Variants in NEK1 observed in about 807,000 individuals in gnomAD.
The protein encoded by NEK1 is serine/threonine-protein kinase Nek1.
Under a neutral mutation model 182.1 loss-of-function variants are expected in NEK1, and 137 were observed. That is an observed-to-expected ratio of 0.75 (90% confidence interval 0.65 to 0.87). NEK1 has a LOEUF of 0.87. Ranked by LOEUF, NEK1 falls within the 40% of genes least tolerant of loss-of-function variation. The pLI is 0.00. For synonymous variants in NEK1, 513 were observed against 492.2 expected (o/e 1.04, Z -0.56); for missense variants, 1,391 against 1,494.4 (o/e 0.93, Z 1.14).
chr4:169,597,450 C>CA (rs1175146808), intron 5 of NEK1, among the ~76,000 whole-genome samples: 9 of 146,114 alleles, frequency 6.2e-5, no homozygotes, highest in East Asian at 4.0e-4. Context: ...CTCATCTCTA[C>CA]AAAAAAAAAA....
intron 26 of NEK1, 119 bp downstream of exon 26, chr4:169,477,005 A>G: frequency 1.5e-6 from 1 of 666,300 alleles, no homozygotes. Context: ...AGGAAAATAT[A>G]TAGAATTCTT....
intron 18 of NEK1, among the ~76,000 whole-genome samples, chr4:169,548,802 G>A (rs1459019858): frequency 6.6e-6 from 1 of 152,182 alleles, no homozygotes; most frequent in African/African-American, 2.4e-5. Context: ...CCTCAGCAAT[G>A]GTGGACACCC....
chr4:169,591,341 A>G (rs1768471904), intron 5 of NEK1, among the ~76,000 whole-genome samples: 1 of 151,928 alleles, frequency 6.6e-6, no homozygotes, highest in Non-Finnish European at 1.5e-5. Flanking sequence ...TTACAGAGAC[A>G]GTGTCCCACT....
At chr4:169,566,253 T>C (rs1763657116) in intron 12 of NEK1, among the ~76,000 whole-genome samples, 3 of 152,228 alleles carry the variant, frequency 2.0e-5, no homozygotes, top group South Asian at 2.1e-4. Flanking sequence ...GTAAGTTACA[T>C]AAAGGCCAAG....
intron 10 of NEK1, among the ~76,000 whole-genome samples, chr4:169,583,110 A>G (rs1411539726): frequency 6.6e-6 from 1 of 152,096 alleles, no homozygotes; most frequent in Non-Finnish European, 1.5e-5. Flanking sequence ...ACTAAAGCTC[A>G]TGAATTGTTT....
chr4:169,500,084 C>G (rs1221101029), intron 23 of NEK1, among the ~76,000 whole-genome samples: 1 of 152,102 alleles, frequency 6.6e-6, no homozygotes, highest in Admixed American at 6.5e-5. Flanking sequence ...TTTACCTACT[C>G]AAGCCTTGGC....
rs1199468031 is a variant in NEK1 at position 169,552,078 on chromosome 4, T to C, written c.1562+3642A>G. Among the ~76,000 whole-genome samples the C allele has an allele frequency of 2.6e-5, 4 of 152,078 alleles. No individual in the cohort carries two copies. The East Asian group carries it at 7.7e-4, about 29-fold the overall frequency. ...GAAGAACAAAGACAATAGTTTAAAT[T>C]TGGAGTAGTGAAAGTTGTTGCTCCA... is the stretch of plus-strand genomic sequence containing the variant. On this transcript the variant is annotated intron_variant, in intron 18 of 35. Coordinates refer to ENST00000507142, the MANE Select transcript of NEK1 (RefSeq NM_001199397.3).
At chr4:169,411,151 T>C (rs1372525813) in intron 31 of NEK1, among the ~76,000 whole-genome samples, 3 of 152,182 alleles carry the variant, frequency 2.0e-5, no homozygotes, top group African/African-American at 7.2e-5. Flanking sequence ...TTAAGAAAGT[T>C]TGTTCTTCAG....
chr4:169,499,188 C>T (rs554906571), intron 23 of NEK1, among the ~76,000 whole-genome samples: 1 of 152,294 alleles, frequency 6.6e-6, no homozygotes, highest in East Asian at 1.9e-4. Context: ...TTCCAGTTGA[C>T]AAATTGGCTA....
chr4:169,493,038 G>A (rs1750413981), intron 23 of NEK1, among the ~76,000 whole-genome samples: 1 of 152,146 alleles, frequency 6.6e-6, no homozygotes, highest in South Asian at 2.1e-4. Context: ...TTCTCTGGTG[G>A]CTCGATGAAA....
intron 23 of NEK1, among the ~76,000 whole-genome samples, chr4:169,483,699 T>C (rs1748517898): frequency 6.6e-6 from 1 of 151,976 alleles, no homozygotes; most frequent in Middle Eastern, 3.4e-3. Flanking sequence ...ACCCTCTCTC[T>C]ACTAAAAATA....
At chr4:169,504,442 C>T (rs1041991420) in intron 23 of NEK1, among the ~76,000 whole-genome samples, 1 of 152,148 alleles carries the variant, frequency 6.6e-6, no homozygotes, top group Non-Finnish European at 1.5e-5. Flanking sequence ...ATGTTTATTG[C>T]AGGACTAGTC....
chr4:169,411,528 G>C (rs1733679845), intron 31 of NEK1, among the ~76,000 whole-genome samples: 1 of 152,096 alleles, frequency 6.6e-6, no homozygotes. Context: ...GTTTCACCAT[G>C]TTGGCCAGGC....
intron 23 of NEK1, among the ~76,000 whole-genome samples, chr4:169,503,231 C>T (rs966811274): frequency 6.6e-6 from 1 of 152,052 alleles, no homozygotes; most frequent in African/African-American, 2.4e-5. Flanking sequence ...TCATAGATGA[C>T]ATAAACAAAT....
intron 23 of NEK1, among the ~76,000 whole-genome samples, chr4:169,486,356 A>C (rs1749043133): frequency 6.6e-6 from 1 of 152,194 alleles, no homozygotes; most frequent in Non-Finnish European, 1.5e-5. Flanking sequence ...ACGAAACTCA[A>C]AATTTCACCA....
At chr4:169,427,448 TCTA>T (rs1382720506) in intron 29 of NEK1, among the ~76,000 whole-genome samples, 1 of 151,324 alleles carries the variant, frequency 6.6e-6, no homozygotes, top group Non-Finnish European at 1.5e-5. Context: ...TAAATAATTT[TCTA>T]CTTTCTCATT....
intron 5 of NEK1, among the ~76,000 whole-genome samples, chr4:169,598,727 G>A (rs766896535): frequency 2.0e-5 from 3 of 152,190 alleles, no homozygotes; most frequent in East Asian, 1.9e-4. Context: ...GCAGTTGTCG[G>A]TGCAAGGCTT....
intron 19 of NEK1, among the ~76,000 whole-genome samples, chr4:169,510,781 C>T (rs1456224668): frequency 2.0e-5 from 3 of 152,044 alleles, no homozygotes; most frequent in Non-Finnish European, 2.9e-5. Flanking sequence ...ATTCTGGCTA[C>T]GACAACTACT....
chr4:169,512,988 T>C (rs1754434789), intron 19 of NEK1, among the ~76,000 whole-genome samples: 1 of 152,162 alleles, frequency 6.6e-6, no homozygotes, highest in African/African-American at 2.4e-5. Context: ...CTATACTGTT[T>C]TGATTACTGT....
Sources: gnomAD v4.1 joint callset for allele counts (sites outside exome capture counted in the v4.1 genomes callset) on GRCh38, gnomAD v4.1.1 for gene constraint, MANE v1.5 for transcripts, NCBI Gene and HGNC (gene_info 2026-07-23, HGNC 2026-07-21) for gene names.